The following SLC38A10 variants were observed in gnomAD, a reference collection of about 807,000 sequenced individuals.
The protein encoded by SLC38A10 is Sodium-coupled neutral amino acid transporter 10.
SLC38A10 carries 53 observed loss-of-function variants against 81.0 expected under a neutral mutation model. That is an observed-to-expected ratio of 0.65 (90% confidence interval 0.53 to 0.82). The LOEUF (loss-of-function observed/expected upper bound fraction) is 0.82, where lower values mean the gene tolerates loss of function less well. Ranked by LOEUF, SLC38A10 falls within the 40% of genes least tolerant of loss-of-function variation. SLC38A10 has a pLI of 0.00. For missense variants in SLC38A10, 1,471 were observed against 1,545.0 expected (o/e 0.95, Z 0.80); for synonymous variants, 665 against 655.3 (o/e 1.01, Z -0.23).
intron 8 of SLC38A10, among the ~76,000 whole-genome samples, 170 bp downstream of exon 8, chr17:81,275,799 T>C (rs1215630952): frequency 7.2e-5 from 11 of 151,850 alleles, no homozygotes; most frequent in Admixed American, 7.2e-4. Flanking sequence ...TATCAGCTCC[T>C]GCCCATCAAT....
intron 11 of SLC38A10, among the ~76,000 whole-genome samples, chr17:81,257,748 C>A (rs1173214854): frequency 2.0e-5 from 3 of 152,256 alleles, no homozygotes; most frequent in African/African-American, 7.2e-5. Flanking sequence ...GGTCCCTTCT[C>A]AGCCAGGCCC....
Position 81,276,977 on chromosome 17 carries a change from G to C in SLC38A10, c.729+54C>G. 1 of 1,557,238 alleles carries C rather than the reference G, an allele frequency of 6.4e-7. No homozygotes were observed. The highest frequency in any genetic ancestry group is 8.9e-7 in the Non-Finnish European group (1 of 1,129,474). On this transcript the variant is annotated intron_variant, in intron 7 of 15. Transcript: ENST00000374759. This position sits in a 1 kb window ranked among gnomAD's most constrained non-coding sequence, Gnocchi z 4.7. ...CTGTGGCAGTCCCACGGGGCACCAC[G>C]GCACATCATGCTGGCATGACACAGG...
chr17:81,283,004 G>A lies in SLC38A10; in HGVS notation c.357+405C>T, dbSNP rs1037249724. Among the ~76,000 whole-genome samples the A allele has an allele frequency of 6.6e-6, 1 of 152,176 alleles. No homozygotes were observed. The highest frequency in any genetic ancestry group is 6.5e-5 in the Admixed American group (1 of 15,284). ...TCTGTGGTGGGGGGCAAGCACGGAG[G>A]AGGCTACCCCAAGGTCCCTGCAAGA... On this transcript the variant is annotated intron_variant, in intron 4 of 15. Transcript: ENST00000374759. This position sits in a 1 kb window ranked among gnomAD's most constrained non-coding sequence, Gnocchi z 4.7.
rs1044420402 is a variant in SLC38A10 at position 81,246,746 on chromosome 17, C to T, written c.2243-73G>A. On this transcript the variant is annotated intron_variant, in intron 15 of 15. Coordinates refer to ENST00000374759, the MANE Select transcript of SLC38A10 (RefSeq NM_001037984.3). ...CTGCCAGTGGAGGGGCTCAGAAGAA[C>T]CAGCAACAACAGCATTGGGAACCAA... 1.2e-5 allele frequency: 18 copies of T among 1,499,286 alleles called. No individual in the cohort carries two copies. The Admixed American group carries it at 3.2e-4, about 27-fold the overall frequency. The allele number at this position is 1,499,286 out of a possible 1,614,324, so 92.9% of individuals were successfully genotyped here.
chr17:81,272,669 C>A, intron 8 of SLC38A10, 42 bp from the exon 9 acceptor site: 1 of 1,377,536 alleles, frequency 7.3e-7, no homozygotes, highest in Non-Finnish European at 9.8e-7. Context: ...TGACTGATTT[C>A]CTCCACCACT....
rs568589120 is a variant in SLC38A10, at chr17:81,275,952, T to G, written c.912+17A>C. Reference sequence around the variant, plus strand: ...ACCTGTGCTATTACGATCCGGAGAGTGCCCCGAGGGTCTTACCTGCTGCTC... The same window carrying G: ...ACCTGTGCTATTACGATCCGGAGAGGGCCCCGAGGGTCTTACCTGCTGCTC... On this transcript the variant is annotated intron_variant, in intron 8 of 15. Transcript: ENST00000374759. The G allele has an allele frequency of 6.2e-7, 1 of 1,606,972 alleles. No individual in the cohort carries two copies. The highest frequency in any genetic ancestry group is 1.3e-5 in the African/African-American group (1 of 74,760).
chr17:81,264,068 G>T (rs2063048174), intron 10 of SLC38A10: 1 of 152,362 alleles, frequency 6.6e-6, no homozygotes, highest in African/African-American at 2.4e-5. Context: ...CCTGCCACTG[G>T]AGTGTGGGAA....
chr17:81,269,769 G>A (rs965107502), intron 10 of SLC38A10, among the ~76,000 whole-genome samples: 1 of 152,034 alleles, frequency 6.6e-6, no homozygotes, highest in African/African-American at 2.4e-5. Context: ...TGGATCACCT[G>A]AGGTCAAGAG....
chr17:81,247,066 G>T lies in SLC38A10; in HGVS notation c.2066-5C>A. The T allele has an allele frequency of 6.3e-7, 1 of 1,578,010 alleles. No homozygotes were observed. The highest frequency in any genetic ancestry group is 8.6e-7 in the Non-Finnish European group (1 of 1,164,302). On this transcript the variant is annotated splice_polypyrimidine_tract_variant and splice_region_variant and intron_variant, in intron 14 of 15. Transcript: ENST00000374759. ...GCATCTCCGCCCTGCCAGCTTCTGG[G>T]TTTGGAAAGCACACAGTCAGAGTGC...
At chr17:81,256,258 C>G (rs1004849374) in intron 11 of SLC38A10, among the ~76,000 whole-genome samples, 1 of 152,220 alleles carries the variant, frequency 6.6e-6, no homozygotes, top group Non-Finnish European at 1.5e-5. Flanking sequence ...GCTCAGGGCT[C>G]GGTCTTTGGA....
At chr17:81,266,265 C>T (rs1211026876) in intron 10 of SLC38A10, among the ~76,000 whole-genome samples, 3 of 152,206 alleles carry the variant, frequency 2.0e-5, no homozygotes, top group East Asian at 1.9e-4. Context: ...GTAAGGTGAA[C>T]GGGCGAAAAT....
Position 81,252,700 on chromosome 17 carries a change from G to C in SLC38A10, c.1457-17C>G, listed in dbSNP as rs754752950. ...CAGCAATCCCTGCAAGGGCACGGGG[G>C]ACAGATGGGGTCAGGCTGAGGCCCC... On this transcript the variant is annotated splice_polypyrimidine_tract_variant and intron_variant, in intron 12 of 15. Transcript: ENST00000374759. The C allele has an allele frequency of 1.9e-6, 3 of 1,579,372 alleles. No homozygotes were observed. The highest frequency in any genetic ancestry group is 1.3e-5 in the African/African-American group (1 of 74,190).
intron 11 of SLC38A10, among the ~76,000 whole-genome samples, chr17:81,255,076 G>A (rs1206800664): frequency 6.6e-6 from 1 of 152,270 alleles, no homozygotes; most frequent in African/African-American, 2.4e-5. Context: ...CAGGAGCCGC[G>A]GGACGGGAAG....
At chr17:81,272,866 A>G (rs2063129441) in intron 8 of SLC38A10, among the ~76,000 whole-genome samples, 1 of 152,238 alleles carries the variant, frequency 6.6e-6, no homozygotes. Context: ...CACAGACCGT[A>G]CATTTTACAA....
At chr17:81,266,619 A>C (rs1402180761) in intron 10 of SLC38A10, among the ~76,000 whole-genome samples, 1 of 130,050 alleles carries the variant, frequency 7.7e-6, no homozygotes, top group Non-Finnish European at 1.6e-5. Context: ...ACTCCATCTC[A>C]AAAAAAAAAA....
rs1036249546 is a variant in SLC38A10, at chr17:81,289,223, G to C, written c.217+468C>G. Among the ~76,000 whole-genome samples, 9 of 151,924 alleles carry C rather than the reference G, an allele frequency of 5.9e-5. No homozygotes were observed. The highest frequency in any genetic ancestry group is 2.2e-4 in the African/African-American group (9 of 41,354). On this transcript the variant is annotated intron_variant, in intron 2 of 15. Transcript: ENST00000374759. This position sits in a 1 kb window ranked among gnomAD's most constrained non-coding sequence, Gnocchi z 5.9. Reference sequence around the variant, plus strand: ...GTCTGGCTAATTTTTTGTATTTCTGGTAGAGATGGGGTTTCACCATGTTGT... The same window carrying C: ...GTCTGGCTAATTTTTTGTATTTCTGCTAGAGATGGGGTTTCACCATGTTGT...
rs2063203799 is a variant in SLC38A10 at position 81,280,727 on chromosome 17, G to A, written c.508C>T (p.Leu170Phe). 4 of 1,612,136 alleles carry A rather than the reference G, an allele frequency of 2.5e-6. No individual in the cohort carries two copies. In the Middle Eastern group the frequency reaches 5.0e-4, roughly 200 times the overall value. Reference protein sequence around the residue: ...FYTVFMFVIVLSSLKHGLFSG... With the variant: ...FYTVFMFVIVFSSLKHGLFSG... ...AAGAGGCCGTGCTTGAGAGAGGAGA[G>A]CACGATCTGCAGAGGGAGAGGGGAG... Residue 170 changes from leucine to phenylalanine, a missense_variant, in exon 6 of 16, where the codon CTC becomes TTC. Around this residue, in one of 2 missense-constraint regions of SLC38A10, gnomAD observed 720 missense variants for 827.7 expected, o/e 0.87. Transcript: ENST00000374759.
chr17:81,261,942 C>T (rs1322299664), intron 10 of SLC38A10, among the ~76,000 whole-genome samples: 1 of 152,222 alleles, frequency 6.6e-6, no homozygotes, highest in Non-Finnish European at 1.5e-5. Flanking sequence ...TCTGCCCCGC[C>T]CTGGCCCCGA....
intron 13 of SLC38A10, 113 bp from the exon 14 acceptor site, chr17:81,251,725 A>C: frequency 8.5e-7 from 1 of 1,180,200 alleles, no homozygotes; most frequent in Admixed American, 3.5e-5. Context: ...ATGTTTCTAA[A>C]GTGACACCCC....
Sources: gnomAD v4.1 joint callset for allele counts (sites outside exome capture counted in the v4.1 genomes callset) on GRCh38, gnomAD v4.1.1 for gene constraint, gnomAD v4.1.1 regional missense constraint, Gnocchi (gnomAD v3.1) non-coding constraint, MANE v1.5 for transcripts, NCBI Gene and HGNC (gene_info 2026-07-23, HGNC 2026-07-21) for gene names.